Variants in TFDP2 observed in about 807,000 individuals in gnomAD.
TFDP2 encodes the protein transcription factor Dp-2 (E2F dimerization partner 2).
In TFDP2, 17 loss-of-function variants were observed where a neutral mutation model predicts 59.3. The observed-to-expected ratio is 0.29, with a 90% CI of 0.20 to 0.43. The LOEUF is 0.43. Ranked by LOEUF, TFDP2 falls within the 20% of genes least tolerant of loss-of-function variation. TFDP2 has a pLI of 1.00. For synonymous variants in TFDP2, 180 were observed against 194.7 expected (o/e 0.92, Z 0.63); for missense variants, 391 against 528.8 (o/e 0.74, Z 2.56).
intron 3 of TFDP2, among the ~76,000 whole-genome samples, chr3:142,047,852 C>T (rs762971072): frequency 6.0e-5 from 9 of 151,200 alleles, no homozygotes; most frequent in African/African-American, 2.2e-4. Flanking sequence ...AGTGATTCTC[C>T]TGCCTCAGCC....
At chr3:142,033,405 T>C (rs942997306) in intron 3 of TFDP2, among the ~76,000 whole-genome samples, 13 of 152,098 alleles carry the variant, frequency 8.5e-5, no homozygotes, top group Non-Finnish European at 1.9e-4. Flanking sequence ...TAATCCAAAT[T>C]TTTTTCAACA....
intron 3 of TFDP2, among the ~76,000 whole-genome samples, chr3:142,065,600 C>G (rs1275649262): frequency 1.3e-5 from 2 of 152,060 alleles, no homozygotes; most frequent in East Asian, 3.9e-4. Context: ...CAACCTCTGC[C>G]TCCCAGGTTC....
chr3:142,120,672 A>G (rs1337803190), intron 1 of TFDP2, among the ~76,000 whole-genome samples: 1 of 152,164 alleles, frequency 6.6e-6, no homozygotes, highest in Non-Finnish European at 1.5e-5. Context: ...TTCCTAAGAT[A>G]TTTTACTAAT....
At chr3:142,107,851 T>C (rs749488847) in intron 1 of TFDP2, among the ~76,000 whole-genome samples, 13 of 152,144 alleles carry the variant, frequency 8.5e-5, no homozygotes, top group Non-Finnish European at 1.5e-4. Context: ...TCTCAAGATA[T>C]TATAACAAAA....
chr3:141,953,155 G>A, intron 11 of TFDP2, 139 bp from the exon 12 acceptor site: 3 of 505,072 alleles, frequency 5.9e-6, no homozygotes, highest in Non-Finnish European at 6.7e-6. Context: ...GCTGTGACAA[G>A]AACCCAGGTT....
At position 141,952,582 on chromosome 3, in the gene TFDP2, G is replaced by A. The variant is rs1442155760; in HGVS notation, c.1272C>T (p.Gly424=). 1.3e-6 allele frequency: 2 copies of A among 1,569,478 alleles called. No individual in the cohort carries two copies. The highest frequency in any genetic ancestry group is 1.7e-6 in the Non-Finnish European group (2 of 1,167,522). The change falls in exon 13 of 13, where the codon GGC becomes GGT. Residue 424 remains glycine (G), a synonymous_variant. Coordinates refer to ENST00000489671, the MANE Select transcript of TFDP2 (RefSeq NM_001178139.2). The part of the protein sequence containing the change: ...SAASHCSESR[G]ETPCSFNDED... ...CATCATTGAACGAACAGGGGGTCTC[G>A]CCTCGGGACTCGGAGCAGTGAGAGG...
intron 7 of TFDP2, among the ~76,000 whole-genome samples, chr3:141,974,632 C>T (rs1451657467): frequency 6.6e-6 from 1 of 152,064 alleles, no homozygotes; most frequent in Non-Finnish European, 1.5e-5. Context: ...ACTTAATATA[C>T]ATGACAACAA....
intron 4 of TFDP2, among the ~76,000 whole-genome samples, chr3:142,003,409 C>A (rs144867937): frequency 4.6e-5 from 7 of 152,098 alleles, no homozygotes; most frequent in Non-Finnish European, 7.3e-5. Flanking sequence ...GGATTACAGG[C>A]GTGAGACACC....
intron 3 of TFDP2, among the ~76,000 whole-genome samples, chr3:142,053,881 T>C (rs900706381): frequency 3.3e-5 from 5 of 152,164 alleles, no homozygotes; most frequent in Admixed American, 6.5e-5. Context: ...AATAAGCACA[T>C]GAAAAGATTC....
At chr3:142,010,818 A>G (rs1944611481) in intron 3 of TFDP2, among the ~76,000 whole-genome samples, 1 of 141,234 alleles carries the variant, frequency 7.1e-6, no homozygotes, top group East Asian at 2.1e-4. Context: ...ACATTTATGC[A>G]GCCAAAAAAC....
intron 6 of TFDP2, among the ~76,000 whole-genome samples, chr3:141,987,817 T>C (rs911339438): frequency 6.0e-5 from 9 of 150,178 alleles, no homozygotes; most frequent in African/African-American, 1.5e-4. Context: ...CAGGTGCCTG[T>C]AATCCCAGCT....
At chr3:142,006,185 T>TC (rs1944195518) in intron 3 of TFDP2, among the ~76,000 whole-genome samples, 1 of 151,944 alleles carries the variant, frequency 6.6e-6, no homozygotes, top group Non-Finnish European at 1.5e-5. Flanking sequence ...CCAAGAAAAT[T>TC]CCCCCCAAAA....
intron 3 of TFDP2, among the ~76,000 whole-genome samples, chr3:142,010,496 C>G (rs1350374444): frequency 1.3e-5 from 2 of 151,040 alleles, no homozygotes; most frequent in East Asian, 3.9e-4. Flanking sequence ...GTAATCCCAG[C>G]TACTTGGGGG....
rs1167608094 is a variant in TFDP2 at position 141,963,966 on chromosome 3, G to A, written c.733-3C>T. 7 of 1,612,000 alleles carry A rather than the reference G, an allele frequency of 4.3e-6. No individual in the cohort carries two copies. Among genetic ancestry groups the A allele is most frequent in the Non-Finnish European group, 5.9e-6 (7 of 1,179,456 alleles). ...ACCAGGTTTTTGAAAGCGATTTGCT[G>A]TAATGATCAATAAAAACAATATGGT... is the stretch of plus-strand genomic sequence containing the variant. On this transcript the variant is annotated splice_polypyrimidine_tract_variant and splice_region_variant and intron_variant, in intron 9 of 12. Coordinates refer to ENST00000489671, the MANE Select transcript of TFDP2 (RefSeq NM_001178139.2).
At chr3:142,141,682 G>A (rs2062968917) in intron 1 of TFDP2, among the ~76,000 whole-genome samples, 1 of 151,954 alleles carries the variant, frequency 6.6e-6, no homozygotes, top group African/African-American at 2.4e-5. Context: ...TATTAGCCAG[G>A]CATGGTGGCA....
intron 3 of TFDP2, among the ~76,000 whole-genome samples, chr3:142,091,873 G>T (rs965898754): frequency 6.6e-6 from 1 of 152,132 alleles, no homozygotes; most frequent in African/African-American, 2.4e-5. Context: ...CTCACCTTCT[G>T]CTATGCAGCC....
chr3:142,118,881 C>G (rs2061938417), intron 1 of TFDP2, among the ~76,000 whole-genome samples: 1 of 152,200 alleles, frequency 6.6e-6, no homozygotes, highest in Non-Finnish European at 1.5e-5. Context: ...TACATTCTGG[C>G]TGGGTGCAGT....
chr3:142,083,897 A>T (rs1207974703), intron 3 of TFDP2, among the ~76,000 whole-genome samples: 2 of 152,230 alleles, frequency 1.3e-5, no homozygotes, highest in Admixed American at 1.3e-4. Flanking sequence ...AATCTATGAA[A>T]CTACTACAAG....
intron 2 of TFDP2, among the ~76,000 whole-genome samples, chr3:142,097,758 C>G (rs2061205559): frequency 6.6e-6 from 1 of 152,134 alleles, no homozygotes; most frequent in Admixed American, 6.5e-5. Context: ...GCATTCATCA[C>G]AGAAATTAAA....
Sources: allele counts gnomAD v4.1 joint callset (sites outside exome capture counted in the v4.1 genomes callset), GRCh38; gene constraint gnomAD v4.1.1; transcripts MANE v1.5; gene names NCBI Gene and HGNC (gene_info 2026-07-23, HGNC 2026-07-21).